Variants in CREB5 observed in about 807,000 individuals in gnomAD.
The protein encoded by CREB5 is cAMP responsive element binding protein 5, also known as cyclic AMP-responsive element-binding protein 5.
In CREB5, 19 loss-of-function variants were observed where a neutral mutation model predicts 57.1. That is an observed-to-expected ratio of 0.33 (90% CI 0.23 to 0.49). The LOEUF (loss-of-function observed/expected upper bound fraction) is 0.49, where lower values mean the gene tolerates loss of function less well. Ranked by LOEUF, CREB5 falls within the 20% of genes least tolerant of loss-of-function variation. The probability of loss-of-function intolerance (pLI) is 0.99; values close to 1 mark genes in which losing one functional copy is unlikely to be tolerated. For missense variants in CREB5, 579 were observed against 671.6 expected (o/e 0.86, Z 1.52); for synonymous variants, 238 against 238.3 (o/e 1.00, Z 0.01).
chr7:28,721,259 T>G lies in CREB5; in HGVS notation c.591+2380T>G, dbSNP rs190276246. On this transcript the variant is annotated intron_variant, in intron 6 of 10. Transcript: ENST00000357727. ...AGGGATGCTGCCAAACATCCTACAA[T>G]GCACAAGACAGCCCCCACAACAAAG... is the stretch of plus-strand genomic sequence containing the variant. Among the ~76,000 whole-genome samples, 27 of 152,276 alleles carry G rather than the reference T, an allele frequency of 1.8e-4. No homozygotes were observed. The East Asian group carries it at 4.4e-3, about 25-fold the overall frequency.
chr7:28,525,632 T>C (rs1793414975), intron 4 of CREB5, among the ~76,000 whole-genome samples: 1 of 152,186 alleles, frequency 6.6e-6, no homozygotes, highest in African/African-American at 2.4e-5. Flanking sequence ...GTATGTCTTC[T>C]CATTGGCATG....
chr7:28,308,802 A>G (rs1785229281), intron 1 of CREB5, among the ~76,000 whole-genome samples: 1 of 152,158 alleles, frequency 6.6e-6, no homozygotes, highest in African/African-American at 2.4e-5. Context: ...ATGAGTTGAG[A>G]TCTTTTCTGT....
intron 1 of CREB5, among the ~76,000 whole-genome samples, chr7:28,421,063 A>C (rs943325487): frequency 6.6e-6 from 1 of 152,098 alleles, no homozygotes; most frequent in African/African-American, 2.4e-5. Context: ...GTAGCAGTGA[A>C]GTCTGGGCTT....
chr7:28,388,274 A>C (rs945992859), intron 1 of CREB5, among the ~76,000 whole-genome samples: 2 of 152,160 alleles, frequency 1.3e-5, no homozygotes, highest in Admixed American at 6.6e-5. Context: ...GAGAATATGT[A>C]ATATTCTGAC....
At position 28,821,124 on chromosome 7, in the gene CREB5, TAA is replaced by T. The variant is rs916898039; in HGVS notation, c.*1846_*1847del. ...ATCTCCATTTGAATGCTTGACCTCT[TAA>T]TGTGTGTGTGTGTGTGTGTGTGTGT... On this transcript the variant is annotated 3_prime_UTR_variant, in exon 11 of 11. Transcript: ENST00000357727. 12 of 84,786 alleles carry T rather than the reference TAA, an allele frequency of 1.4e-4. No individual in the cohort carries two copies. In the South Asian group the frequency reaches 2.0e-3, roughly 14 times the overall value. 5.3% of individuals were successfully genotyped at this position (84,786 alleles called of 1,614,324 possible). A position where few individuals can be genotyped will look rare whatever the true frequency, so the allele number is the denominator to read the frequency against.
At chr7:28,667,787 T>C (rs1799883117) in intron 5 of CREB5, among the ~76,000 whole-genome samples, 1 of 152,158 alleles carries the variant, frequency 6.6e-6, no homozygotes, top group African/African-American at 2.4e-5. Flanking sequence ...CGAAAACAAA[T>C]ACCTGTTTAA....
chr7:28,378,905 A>T (rs972862681), intron 1 of CREB5, among the ~76,000 whole-genome samples: 5 of 152,214 alleles, frequency 3.3e-5, no homozygotes, highest in African/African-American at 9.7e-5. Context: ...GCATTCCCCC[A>T]ATCTTCCTGA....
chr7:28,629,851 A>G (rs1424400988), intron 5 of CREB5, among the ~76,000 whole-genome samples: 1 of 152,208 alleles, frequency 6.6e-6, no homozygotes, highest in Admixed American at 6.6e-5. Context: ...TTCAGTATTG[A>G]TTATGCTTCT....
chr7:28,718,551 A>G (rs1052958189), intron 5 of CREB5, among the ~76,000 whole-genome samples: 3 of 152,208 alleles, frequency 2.0e-5, no homozygotes, highest in African/African-American at 7.2e-5. Flanking sequence ...GGAATTTGAT[A>G]TATTAACTAG....
At chr7:28,487,678 G>C (rs1791625077) in intron 1 of CREB5, among the ~76,000 whole-genome samples, 1 of 152,182 alleles carries the variant, frequency 6.6e-6, no homozygotes, top group Non-Finnish European at 1.5e-5. Context: ...GCTGAAGCTT[G>C]CTGGGGTGGT....
intron 9 of CREB5, among the ~76,000 whole-genome samples, chr7:28,815,845 C>T (rs1373547006): frequency 6.6e-6 from 1 of 152,086 alleles, no homozygotes; most frequent in Non-Finnish European, 1.5e-5. Context: ...GTTTTTAATA[C>T]TTTTCTTGTT....
At chr7:28,448,248 C>T (rs1789591583) in intron 1 of CREB5, among the ~76,000 whole-genome samples, 1 of 152,244 alleles carries the variant, frequency 6.6e-6, no homozygotes. Context: ...TCTCCTTGCT[C>T]AGCAGCTTGC....
At chr7:28,581,408 TAAAGAGA>T (rs1230298562) in intron 5 of CREB5, among the ~76,000 whole-genome samples, 8 of 152,122 alleles carry the variant, frequency 5.3e-5, no homozygotes, top group Non-Finnish European at 1.0e-4. Context: ...ACCAAGCCAT[TAAAGAGA>T]AAAGAGTATG....
chr7:28,555,109 T>TTTTGTGTGTGTGTGTGTGTGTGTG (rs147186726), intron 4 of CREB5, among the ~76,000 whole-genome samples: 6 of 148,800 alleles, frequency 4.0e-5, no homozygotes, highest in African/African-American at 1.5e-4. Context: ...ATAAGCTGCA[T>TTTTGTGTGTGTGTGTGTGTGTGTG]TGTGTGTGTG....
At chr7:28,450,376 C>G (rs1363446369) in intron 1 of CREB5, among the ~76,000 whole-genome samples, 1 of 152,186 alleles carries the variant, frequency 6.6e-6, no homozygotes, top group Non-Finnish European at 1.5e-5. Context: ...CAAAAATTAT[C>G]CCAGTTCTAA....
intron 5 of CREB5, among the ~76,000 whole-genome samples, chr7:28,666,843 G>T (rs1799845469): frequency 1.3e-5 from 2 of 151,266 alleles, no homozygotes; most frequent in African/African-American, 2.4e-5. Flanking sequence ...GAGGCGGGAG[G>T]ATCAATTGAG....
chr7:28,580,458 C>CACACACAT (rs1562809797), intron 5 of CREB5, among the ~76,000 whole-genome samples: 1 of 146,314 alleles, frequency 6.8e-6, no homozygotes, highest in African/African-American at 2.6e-5. Flanking sequence ...CACACACACA[C>CACACACAT]ACACAATAGA....
intron 7 of CREB5, among the ~76,000 whole-genome samples, chr7:28,752,279 G>A (rs1297413520): frequency 6.6e-6 from 1 of 152,134 alleles, no homozygotes; most frequent in Non-Finnish European, 1.5e-5. Context: ...TGATTCTCCT[G>A]CCTCAACCTC....
chr7:28,305,651 A>G (rs532032909), intron 1 of CREB5, among the ~76,000 whole-genome samples: 17 of 151,620 alleles, frequency 1.1e-4, no homozygotes, highest in Non-Finnish European at 2.1e-4. Flanking sequence ...ACACATTCTC[A>G]TCCTTTCCTG....
Sources: gnomAD v4.1 joint callset for allele counts (sites outside exome capture counted in the v4.1 genomes callset) on GRCh38, gnomAD v4.1.1 for gene constraint, MANE v1.5 for transcripts, NCBI Gene and HGNC (gene_info 2026-07-23, HGNC 2026-07-21) for gene names.